The following ATP8A1 variants were observed in gnomAD, a reference collection of about 807,000 sequenced individuals.
ATP8A1 encodes phospholipid-transporting ATPase IA.
A neutral mutation model predicts 177.7 loss-of-function variants in ATP8A1; 90 were observed. The ratio of observed to expected loss-of-function variants is 0.51; its 90% CI spans 0.43 to 0.60. The LOEUF is 0.60. Ranked by LOEUF, ATP8A1 falls within the 20% of genes least tolerant of loss-of-function variation. The pLI is 0.00. For missense variants in ATP8A1, 1,072 were observed against 1,392.8 expected (o/e 0.77, Z 3.67); for synonymous variants, 493 against 485.9 (o/e 1.01, Z -0.19).
intron 1 of ATP8A1, among the ~76,000 whole-genome samples, chr4:42,650,145 T>C (rs1227327120): frequency 6.6e-6 from 1 of 152,240 alleles, no homozygotes; most frequent in Non-Finnish European, 1.5e-5. Flanking sequence ...ATTAGGTATA[T>C]GCTTCAATTC....
Position 42,455,522 on chromosome 4 carries a change from T to C in ATP8A1, c.2694+3A>G. 5 of 1,613,604 alleles carry C rather than the reference T, an allele frequency of 3.1e-6. No individual in the cohort carries two copies. The highest frequency in any genetic ancestry group is 4.2e-6 in the Non-Finnish European group (5 of 1,179,728). On this transcript the variant is annotated splice_donor_region_variant and intron_variant, in intron 28 of 36. Transcript: ENST00000381668. ...CAGGAATTATCAAATGTCCTAAACT[T>C]ACCACGTTATAGAGACCTATACACC...
At chr4:42,464,864 T>C (rs766134460) in intron 26 of ATP8A1, 29 bp downstream of exon 26, 2 of 1,612,972 alleles carry the variant, frequency 1.2e-6, no homozygotes, top group East Asian at 4.5e-5. Flanking sequence ...CTGAGAGGAA[T>C]GATGTGTTTT....
chr4:42,413,180 T>A (rs1577881172), intron 36 of ATP8A1, among the ~76,000 whole-genome samples, 167 bp from the exon 37 acceptor site: 2 of 152,288 alleles, frequency 1.3e-5, no homozygotes, highest in South Asian at 4.1e-4. Context: ...AGACTTAACT[T>A]CAAAATAAAG....
intron 1 of ATP8A1, among the ~76,000 whole-genome samples, chr4:42,638,048 A>G (rs1410568005): frequency 1.3e-5 from 2 of 152,226 alleles, no homozygotes; most frequent in Non-Finnish European, 2.9e-5. Flanking sequence ...ATGCTACTCT[A>G]ATATGGGGAA....
intron 29 of ATP8A1, among the ~76,000 whole-genome samples, chr4:42,452,513 A>C (rs1183413771): frequency 6.6e-6 from 1 of 152,176 alleles, no homozygotes; most frequent in African/African-American, 2.4e-5. Context: ...AGAGATATAA[A>C]GATACTCTAT....
At chr4:42,516,660 G>A (rs1266817462) in intron 22 of ATP8A1, among the ~76,000 whole-genome samples, 6 of 152,196 alleles carry the variant, frequency 3.9e-5, no homozygotes, top group Middle Eastern at 3.4e-3. Flanking sequence ...TGTATTCCAC[G>A]AAGGCACGCC....
chr4:42,485,609 C>T lies in ATP8A1; in HGVS notation c.2211G>A (p.Glu737=). Residue 737 remains glutamate, a synonymous_variant, in exon 25 of 37, where the codon GAG becomes GAA. Coordinates refer to ENST00000381668, the MANE Select transcript of ATP8A1 (RefSeq NM_006095.2). ...CATCAATTATAAGAGCAAAATCATTCTCTTTCCGGAGAGCATCACCAAGGG... is the reference window on the plus strand; with the variant it reads ...CATCAATTATAAGAGCAAAATCATTTTCTTTCCGGAGAGCATCACCAAGGG... ...CTTLGDALRK[E]NDFALIIDGK... The T allele has an allele frequency of 6.2e-7, 1 of 1,613,742 alleles. No homozygotes were observed. The highest frequency in any genetic ancestry group is 8.5e-7 in the Non-Finnish European group (1 of 1,179,756).
chr4:42,594,306 A>G (rs535897694), intron 6 of ATP8A1: 6 of 1,601,740 alleles, frequency 3.7e-6, no homozygotes, highest in East Asian at 2.2e-5. Flanking sequence ...AGAGAAGTAC[A>G]GTGTCAGCAG....
At chr4:42,569,015 T>C in intron 15 of ATP8A1, 146 bp downstream of exon 15, 1 of 290,302 alleles carries the variant, frequency 3.4e-6, no homozygotes, top group Non-Finnish European at 6.3e-6. Flanking sequence ...AAATATCTAC[T>C]TTACAGCATT....
intron 22 of ATP8A1, among the ~76,000 whole-genome samples, chr4:42,508,293 G>A (rs930354429): frequency 6.6e-6 from 1 of 152,026 alleles, no homozygotes; most frequent in African/African-American, 2.4e-5. Context: ...CCACCACACT[G>A]GGCTAATTTG....
chr4:42,580,294 T>A (rs1013226046), intron 10 of ATP8A1, among the ~76,000 whole-genome samples: 2 of 152,334 alleles, frequency 1.3e-5, no homozygotes, highest in East Asian at 1.9e-4. Context: ...CTTGGCTATG[T>A]AAGCAAACAG....
At chr4:42,507,661 AG>A (rs1249938932) in intron 22 of ATP8A1, among the ~76,000 whole-genome samples, 1 of 131,548 alleles carries the variant, frequency 7.6e-6, no homozygotes, top group Non-Finnish European at 1.6e-5. Context: ...CTGGGGAGGC[AG>A]GGGTTGCAGG....
intron 24 of ATP8A1, among the ~76,000 whole-genome samples, chr4:42,491,813 G>C (rs1158282547): frequency 6.6e-6 from 1 of 152,106 alleles, no homozygotes; most frequent in Admixed American, 6.6e-5. Flanking sequence ...CAGCTTTCTA[G>C]CCGAGGTTTA....
At chr4:42,552,457 C>A in intron 17 of ATP8A1, 48 bp downstream of exon 17, 1 of 1,449,790 alleles carries the variant, frequency 6.9e-7, no homozygotes, top group South Asian at 1.2e-5. Context: ...CTTTTACATT[C>A]AGAACAATTT....
At chr4:42,581,092 C>T (rs188509335) in intron 10 of ATP8A1, among the ~76,000 whole-genome samples, 35 of 152,158 alleles carry the variant, frequency 2.3e-4, no homozygotes, top group Non-Finnish European at 4.4e-4. Context: ...ATGCATAATC[C>T]CTGGTGAACC....
intron 25 of ATP8A1, among the ~76,000 whole-genome samples, chr4:42,470,577 TA>T (rs1218939657): frequency 6.6e-6 from 1 of 152,134 alleles, no homozygotes; most frequent in Non-Finnish European, 1.5e-5. Flanking sequence ...ATTAATAACC[TA>T]AAAAATTCTT....
At chr4:42,566,327 G>T (rs1435410036) in intron 15 of ATP8A1, among the ~76,000 whole-genome samples, 1 of 152,160 alleles carries the variant, frequency 6.6e-6, no homozygotes, top group Non-Finnish European at 1.5e-5. Flanking sequence ...AACTGAAGCT[G>T]CTGAACAGCC....
intron 24 of ATP8A1, 102 bp from the exon 25 acceptor site, chr4:42,485,770 G>T: frequency 3.1e-6 from 3 of 977,794 alleles, no homozygotes; most frequent in South Asian, 1.8e-5. Context: ...TATTTTTAGT[G>T]CTTTTTATGT....
chr4:42,530,002 C>T (rs10003640), intron 20 of ATP8A1, among the ~76,000 whole-genome samples: 45,520 of 152,064 alleles, frequency 0.3, 7,882 homozygotes, highest in African/African-American at 0.49. Flanking sequence ...GGTCAAAAAC[C>T]GTGAAGATAT....
Sources: allele counts gnomAD v4.1 joint callset (sites outside exome capture counted in the v4.1 genomes callset), GRCh38; gene constraint gnomAD v4.1.1; transcripts MANE v1.5; gene names NCBI Gene and HGNC (gene_info 2026-07-23, HGNC 2026-07-21).